PAM: variants seen among roughly 807,000 people sequenced by gnomAD.
PAM encodes the protein peptidylglycine alpha-amidating monooxygenase, also known as peptidyl-glycine alpha-amidating monooxygenase.
In PAM, 72 loss-of-function variants were observed where a neutral mutation model predicts 122.1. The ratio of observed to expected loss-of-function variants is 0.59; its 90% CI spans 0.49 to 0.72. The LOEUF is 0.72. Among genes scored for constraint, PAM ranks in the 30% least tolerant of loss-of-function variants. PAM has a pLI of 0.00. For synonymous variants in PAM, 389 were observed against 404.4 expected (o/e 0.96, Z 0.46); for missense variants, 1,106 against 1,183.7 (o/e 0.93, Z 0.96).
chr5:102,826,783 C>T (rs1220235164), intron 1 of PAM, among the ~76,000 whole-genome samples: 1 of 152,126 alleles, frequency 6.6e-6, no homozygotes, highest in Non-Finnish European at 1.5e-5. Context: ...GACCTCAGAC[C>T]TCTCTCTGTC....
intron 3 of PAM, among the ~76,000 whole-genome samples, chr5:102,870,370 A>C (rs1787002127): frequency 6.6e-6 from 1 of 152,084 alleles, no homozygotes. Flanking sequence ...CAGAGGTGGA[A>C]AGAACCTTAG....
intron 1 of PAM, among the ~76,000 whole-genome samples, chr5:102,861,490 T>C (rs748456964): frequency 7.2e-5 from 11 of 151,844 alleles, no homozygotes; most frequent in South Asian, 2.1e-4. Context: ...GTCAAGGTCA[T>C]AGAAGCTGAA....
intron 12 of PAM, among the ~76,000 whole-genome samples, chr5:102,956,068 G>A (rs187442474): frequency 6.6e-6 from 1 of 152,030 alleles, no homozygotes; most frequent in East Asian, 1.9e-4. Flanking sequence ...GACTCTTTTT[G>A]TTCAGCTCTT....
rs569694619 is a variant in PAM at position 103,019,985 on chromosome 5, C to A, written c.2485+142C>A. The stretch of plus-strand genomic sequence containing the variant: ...TCAGTGACTTCTGCTATGTACTGAG[C>A]CTTTAAACCTGTATGTTGCCACTTC... On this transcript the variant is annotated intron_variant, in intron 23 of 25. Coordinates refer to ENST00000438793, the MANE Select transcript of PAM (RefSeq NM_001177306.2). 33 of 661,714 alleles carry A rather than the reference C, an allele frequency of 5.0e-5. No homozygotes were observed. The African/African-American group carries it at 5.1e-4, about 10-fold the overall frequency. 41.0% of individuals were successfully genotyped at this position (661,714 alleles called of 1,614,324 possible). A position where few individuals can be genotyped will look rare whatever the true frequency, so the allele number is the denominator to read the frequency against.
intron 20 of PAM, 145 bp from the exon 21 acceptor site, chr5:103,009,606 C>CT: frequency 3.6e-6 from 2 of 550,300 alleles, no homozygotes; most frequent in South Asian, 3.9e-5. Flanking sequence ...GGAGGAGACA[C>CT]TAAGTATTTT....
chr5:103,030,391 AATG>A (rs1786085372), downstream of PAM: 1 of 152,248 alleles, frequency 6.6e-6, no homozygotes, highest in East Asian at 1.9e-4. Context: ...TCCATTTTAA[AATG>A]ATAGGAATCT....
intron 7 of PAM, among the ~76,000 whole-genome samples, chr5:102,945,925 A>T (rs1023313723): frequency 1.3e-5 from 2 of 152,192 alleles, no homozygotes; most frequent in Non-Finnish European, 2.9e-5. Context: ...GAAATCAATT[A>T]ATTCTTAGGA....
intron 14 of PAM, among the ~76,000 whole-genome samples, chr5:102,963,147 A>G (rs1199492644): frequency 1.3e-5 from 2 of 151,918 alleles, no homozygotes; most frequent in African/African-American, 4.8e-5. Flanking sequence ...AGCCATTTCA[A>G]TGGCTAGCAT....
At chr5:102,926,517 A>C in intron 6 of PAM, 68 bp from the exon 7 acceptor site, 1 of 846,318 alleles carries the variant, frequency 1.2e-6, no homozygotes, top group Non-Finnish European at 2.1e-6. Flanking sequence ...TTCATAGAAC[A>C]GCAATTTGAG....
intron 1 of PAM, among the ~76,000 whole-genome samples, chr5:102,766,568 T>C (rs1489951781): frequency 4.6e-5 from 7 of 152,226 alleles, no homozygotes; most frequent in African/African-American, 1.7e-4. Flanking sequence ...CTCTTTGCTG[T>C]GCAACCCTGT....
intron 1 of PAM, among the ~76,000 whole-genome samples, chr5:102,822,227 A>G (rs1277413444): frequency 1.3e-5 from 2 of 152,198 alleles, no homozygotes; most frequent in African/African-American, 2.4e-5. Flanking sequence ...TCTACTTTAC[A>G]CATTTTTATT....
In PAM at chr5:102,930,383, C is replaced by G. The variant is rs113365941; in HGVS notation, c.526+3715C>G. Among the ~76,000 whole-genome samples the G allele has an allele frequency of 5.1e-3, 771 of 152,104 alleles. 7 individuals carry two copies. Among genetic ancestry groups the G allele is most frequent in the African/African-American group, 0.018 (738 of 41,498 alleles). ...AGGTATGAAGTCTGGGAAAGGCTTTCCAGAAGTTGGACCCAGAGCAGGGTA... is the reference window on the plus strand; with the variant it reads ...AGGTATGAAGTCTGGGAAAGGCTTTGCAGAAGTTGGACCCAGAGCAGGGTA... On this transcript the variant is annotated intron_variant, in intron 7 of 25. Coordinates refer to ENST00000438793, the MANE Select transcript of PAM (RefSeq NM_001177306.2).
At position 102,803,142 on chromosome 5, in the gene PAM, AAAGAAAGGAAGGAAGG is replaced by A. The variant is rs1220561915; in HGVS notation, c.-374+47798_-374+47813del. 4.7e-4 allele frequency among the ~76,000 whole-genome samples: 67 copies of A among 142,132 alleles called. 1 individual carries two copies. In the South Asian group the frequency reaches 5.4e-3, roughly 11 times the overall value. 93.2% of individuals were successfully genotyped at this position (142,132 alleles called of 152,430 possible). A position where few individuals can be genotyped will look rare whatever the true frequency, so the allele number is the denominator to read the frequency against. On this transcript the variant is annotated intron_variant, in intron 1 of 25. Transcript: ENST00000438793. ...TGTGTCCAAAAAAAAAGAAAGAAAGAAAGAAAGGAAGGAAGGAAGGAAGGAAGGAAGGAAGGAAGGA... is the reference window on the plus strand; with the variant it reads ...TGTGTCCAAAAAAAAAGAAAGAAAGAAAGGAAGGAAGGAAGGAAGGAAGGA...
chr5:102,920,514 T>C (rs933824254), intron 5 of PAM, among the ~76,000 whole-genome samples: 1 of 152,156 alleles, frequency 6.6e-6, no homozygotes, highest in East Asian at 1.9e-4. Flanking sequence ...TTCTAATTAC[T>C]ATATTAATGT....
Position 102,884,057 on chromosome 5 carries a change from C to T in PAM, c.210+16664C>T, listed in dbSNP as rs979215007. ...AATAAAAATAAATAATAACAAAAAT[C>T]CCAATATACATGTGTCTGTTTGGTT... On this transcript the variant is annotated intron_variant, in intron 3 of 25. Coordinates refer to ENST00000438793, the MANE Select transcript of PAM (RefSeq NM_001177306.2). Among the ~76,000 whole-genome samples the T allele has an allele frequency of 9.5e-4, 144 of 151,732 alleles. 1 individual carries two copies. Among genetic ancestry groups the T allele is most frequent in the African/African-American group, 3.3e-3 (135 of 41,426 alleles).
chr5:102,818,767 C>T (rs1770759889), intron 1 of PAM, among the ~76,000 whole-genome samples: 1 of 152,164 alleles, frequency 6.6e-6, no homozygotes, highest in African/African-American at 2.4e-5. Flanking sequence ...TTGCTAGACT[C>T]AGATCCTTCA....
At chr5:102,830,742 C>G (rs1269972921) in intron 1 of PAM, among the ~76,000 whole-genome samples, 2 of 152,170 alleles carry the variant, frequency 1.3e-5, no homozygotes, top group Non-Finnish European at 2.9e-5. Flanking sequence ...ATGCCTATTT[C>G]CCCTGGTATG....
At chr5:103,018,875 T>C (rs1030466409) in intron 22 of PAM, among the ~76,000 whole-genome samples, 1 of 152,138 alleles carries the variant, frequency 6.6e-6, no homozygotes, top group Non-Finnish European at 1.5e-5. Flanking sequence ...GCAGAGGGAA[T>C]GGTTTCAGGA....
intron 1 of PAM, among the ~76,000 whole-genome samples, chr5:102,803,074 A>C (rs1019467364): frequency 2.6e-5 from 4 of 151,690 alleles, no homozygotes; most frequent in Non-Finnish European, 5.9e-5. Flanking sequence ...AGTGTGCTGT[A>C]ATAGTGCCAT....
Sources: allele counts gnomAD v4.1 joint callset (sites outside exome capture counted in the v4.1 genomes callset), GRCh38; gene constraint gnomAD v4.1.1; transcripts MANE v1.5; gene names NCBI Gene and HGNC (gene_info 2026-07-23, HGNC 2026-07-21).